PTPRJ: variants seen among roughly 807,000 people sequenced by gnomAD.
PTPRJ encodes protein tyrosine phosphatase receptor type J, also known as receptor-type tyrosine-protein phosphatase eta.
A neutral mutation model predicts 141.3 loss-of-function variants in PTPRJ; 129 were observed. The observed-to-expected ratio is 0.91, with a 90% CI of 0.79 to 1.06. PTPRJ has a LOEUF of 1.06. PTPRJ is among the 50% of genes least tolerant of loss of function. PTPRJ has a pLI of 0.00. For synonymous variants in PTPRJ, 610 were observed against 640.5 expected (o/e 0.95, Z 0.72); for missense variants, 1,601 against 1,679.7 (o/e 0.95, Z 0.82).
rs757851476 is a variant in PTPRJ at position 48,156,137 on chromosome 11, T to C, written c.3438+18T>C. The C allele has an allele frequency of 1.3e-6, 2 of 1,533,384 alleles. No homozygotes were observed. Among genetic ancestry groups the C allele is most frequent in the Non-Finnish European group, 1.8e-6 (2 of 1,118,658 alleles). 95.0% of individuals were successfully genotyped at this position (1,533,384 alleles called of 1,614,324 possible). On this transcript the variant is annotated intron_variant, in intron 21 of 24. Transcript: ENST00000418331. Reference sequence around the variant, plus strand: ...AGGGAAGAGTAAGTATCTTTTTTAGTTTTTAAAATTTAAAATTACATTAAT... The same window carrying C: ...AGGGAAGAGTAAGTATCTTTTTTAGCTTTTAAAATTTAAAATTACATTAAT...
intron 24 of PTPRJ, among the ~76,000 whole-genome samples, chr11:48,165,215 C>T (rs1490427635): frequency 6.6e-6 from 1 of 152,210 alleles, no homozygotes; most frequent in Non-Finnish European, 1.5e-5. Flanking sequence ...GCTAATGAAA[C>T]AAACTCATCA....
chr11:48,049,063 T>C (rs1345822027), intron 1 of PTPRJ, among the ~76,000 whole-genome samples: 1 of 152,126 alleles, frequency 6.6e-6, no homozygotes, highest in Admixed American at 6.5e-5. Flanking sequence ...TCCCTTAGCT[T>C]TCCCACTAGT....
intron 1 of PTPRJ, among the ~76,000 whole-genome samples, chr11:48,054,493 C>G (rs185357006): frequency 8.3e-4 from 127 of 152,264 alleles, no homozygotes; most frequent in African/African-American, 2.9e-3. Context: ...TAGATTGGCT[C>G]CATCTCTCAG....
intron 1 of PTPRJ, among the ~76,000 whole-genome samples, chr11:47,991,206 C>G (rs765279341): frequency 4.6e-5 from 7 of 152,126 alleles, no homozygotes; most frequent in East Asian, 1.9e-4. Flanking sequence ...AAGTGACCAC[C>G]AGGTGTGACT....
chr11:48,124,161 C>A (rs561479968), intron 5 of PTPRJ, among the ~76,000 whole-genome samples: 2 of 152,200 alleles, frequency 1.3e-5, no homozygotes, highest in Admixed American at 6.5e-5. Context: ...ACAGCTGTGT[C>A]AACCCAAGTT....
intron 1 of PTPRJ, among the ~76,000 whole-genome samples, chr11:48,026,373 T>G (rs1390231680): frequency 6.6e-6 from 1 of 152,136 alleles, no homozygotes; most frequent in African/African-American, 2.4e-5. Flanking sequence ...CCAGCTCTCT[T>G]TCAGCCCAAG....
intron 1 of PTPRJ, among the ~76,000 whole-genome samples, chr11:48,070,018 T>A (rs1002399533): frequency 6.6e-6 from 1 of 152,162 alleles, no homozygotes; most frequent in African/African-American, 2.4e-5. Flanking sequence ...TGAACAAAAG[T>A]GATATTTATC....
At chr11:48,046,393 A>G (rs1854398239) in intron 1 of PTPRJ, 1 of 152,146 alleles carries the variant, frequency 6.6e-6, no homozygotes, top group Admixed American at 6.6e-5. Flanking sequence ...ACAATGGGCT[A>G]ATATCTCTGT....
intron 1 of PTPRJ, among the ~76,000 whole-genome samples, chr11:48,108,245 T>G (rs1342005962): frequency 6.6e-6 from 1 of 152,122 alleles, no homozygotes; most frequent in African/African-American, 2.4e-5. Flanking sequence ...GATGTAAGGA[T>G]GATGATGATG....
intron 1 of PTPRJ, among the ~76,000 whole-genome samples, chr11:48,020,954 C>T (rs1229523978): frequency 1.3e-5 from 2 of 152,198 alleles, no homozygotes; most frequent in Non-Finnish European, 2.9e-5. Flanking sequence ...GAAAGATCCC[C>T]AAAAGGGCAG....
intron 24 of PTPRJ, among the ~76,000 whole-genome samples, chr11:48,165,432 G>A (rs1346147604): frequency 6.6e-6 from 1 of 152,178 alleles, no homozygotes; most frequent in African/African-American, 2.4e-5. Flanking sequence ...ACTGAGAAGT[G>A]TTTTTGAGGC....
At chr11:48,080,495 G>C (rs1344130906) in intron 1 of PTPRJ, among the ~76,000 whole-genome samples, 1 of 152,120 alleles carries the variant, frequency 6.6e-6, no homozygotes, top group Admixed American at 6.5e-5. Flanking sequence ...TTAGCCAATA[G>C]GGGCACATAA....
chr11:48,098,928 G>C (rs137941264), intron 1 of PTPRJ, among the ~76,000 whole-genome samples: 30 of 152,336 alleles, frequency 2.0e-4, no homozygotes, highest in Admixed American at 1.3e-4. Context: ...CTTAAATTGG[G>C]TTGATTGAAA....
chr11:48,054,197 G>A (rs1190575075), intron 1 of PTPRJ, among the ~76,000 whole-genome samples: 1 of 152,200 alleles, frequency 6.6e-6, no homozygotes, highest in African/African-American at 2.4e-5. Context: ...GCCTCCCAAA[G>A]TGCTGGGATT....
intron 1 of PTPRJ, among the ~76,000 whole-genome samples, chr11:47,998,516 G>A (rs1854403127): frequency 6.6e-6 from 1 of 152,136 alleles, no homozygotes; most frequent in African/African-American, 2.4e-5. Flanking sequence ...CCAGGTATGT[G>A]GCTCTCCTGT....
chr11:48,146,356 T>G (rs114637745), intron 14 of PTPRJ, among the ~76,000 whole-genome samples: 2 of 152,270 alleles, frequency 1.3e-5, no homozygotes, highest in African/African-American at 2.4e-5. Context: ...GCTGGTTTGT[T>G]AGTTTGTCTG....
intron 1 of PTPRJ, among the ~76,000 whole-genome samples, chr11:48,104,703 A>G (rs1856242153): frequency 6.6e-6 from 1 of 152,210 alleles, no homozygotes; most frequent in Non-Finnish European, 1.5e-5. Context: ...GCCTTAATTT[A>G]GTCAATTCAA....
Position 48,159,829 on chromosome 11 carries a change from T to C in PTPRJ, c.3439-101T>C, listed in dbSNP as rs910234005. 3 of 1,461,288 alleles carry C rather than the reference T, an allele frequency of 2.1e-6. No homozygotes were observed. The African/African-American group carries it at 4.2e-5, about 21-fold the overall frequency. The allele number at this position is 1,461,288 out of a possible 1,614,324, so 90.5% of individuals were successfully genotyped here. A position where few individuals can be genotyped will look rare whatever the true frequency, so the allele number is the denominator to read the frequency against. Reference sequence around the variant, plus strand: ...AACCCAACTAGAAGGTCTGATTCCATCTCTGATGCCAGTTTTCAATAGCCA... The same window carrying C: ...AACCCAACTAGAAGGTCTGATTCCACCTCTGATGCCAGTTTTCAATAGCCA... On this transcript the variant is annotated intron_variant, in intron 21 of 24. Coordinates refer to ENST00000418331, the MANE Select transcript of PTPRJ (RefSeq NM_002843.4).
At chr11:48,067,866 G>A (rs907066693) in intron 1 of PTPRJ, among the ~76,000 whole-genome samples, 1 of 152,198 alleles carries the variant, frequency 6.6e-6, no homozygotes, top group Non-Finnish European at 1.5e-5. Context: ...GGGGAGGCGT[G>A]CGCTCCAACA....
Sources: allele counts gnomAD v4.1 joint callset (sites outside exome capture counted in the v4.1 genomes callset), GRCh38; gene constraint gnomAD v4.1.1; transcripts MANE v1.5; gene names NCBI Gene and HGNC (gene_info 2026-07-23, HGNC 2026-07-21).